GATA3: variants seen among roughly 807,000 people sequenced by gnomAD.
GATA3 encodes trans-acting T-cell-specific transcription factor GATA-3.
GATA3 carries 6 observed loss-of-function variants against 36.0 expected under a neutral mutation model. The ratio of observed to expected loss-of-function variants is 0.17; its 90% CI spans 0.09 to 0.33. The LOEUF (loss-of-function observed/expected upper bound fraction) is 0.33. GATA3 is among the 10% of genes least tolerant of loss of function. The pLI is 1.00. For missense variants in GATA3, 514 were observed against 610.1 expected (o/e 0.84, Z 1.66); for synonymous variants, 326 against 273.0 (o/e 1.19, Z -1.92).
In GATA3 at chr10:8,055,254, G is replaced by A. The variant is rs1832606395; in HGVS notation, c.-369-33G>A. ...GTTGTGCCACTCCAGCAACTCAGGG[G>A]CTCATCCAGGTCTCCCATTCTCTCC... On this transcript the variant is annotated intron_variant, in intron 1 of 5. Coordinates refer to ENST00000379328, the MANE Select transcript of GATA3 (RefSeq NM_001002295.2). This position sits in a 1 kb window ranked among gnomAD's most constrained non-coding sequence, Gnocchi z 5.4. 2.9e-6 allele frequency: 1 copy of A among 346,588 alleles called. No individual in the cohort carries two copies. The highest frequency in any genetic ancestry group is 2.2e-5 in the African/African-American group (1 of 46,026). 21.5% of individuals were successfully genotyped at this position (346,588 alleles called of 1,614,324 possible). A position where few individuals can be genotyped will look rare whatever the true frequency, so the allele number is the denominator to read the frequency against.
At chr10:8,058,108 T>C (rs541942965) in intron 2 of GATA3, among the ~76,000 whole-genome samples, 197 bp from the exon 3 acceptor site, 7 of 152,270 alleles carry the variant, frequency 4.6e-5, no homozygotes, top group African/African-American at 7.2e-5. Flanking sequence ...GGGTGAAGGA[T>C]TCTGTCCCCA....
chr10:8,063,957 C>T, intron 3 of GATA3, 36 bp from the exon 4 acceptor site: 2 of 1,614,182 alleles, frequency 1.2e-6, no homozygotes, highest in Non-Finnish European at 1.7e-6. Flanking sequence ...GCGTGTTTTC[C>T]TTCCCTAAGT....
intron 3 of GATA3, among the ~76,000 whole-genome samples, chr10:8,063,586 C>T (rs1564401294): frequency 6.6e-6 from 1 of 152,136 alleles, no homozygotes; most frequent in African/African-American, 2.4e-5. Flanking sequence ...CTTTGTCTTC[C>T]TTTTTTTCCT....
chr10:8,047,736 G>A (rs981699298), intron 1 of GATA3, among the ~76,000 whole-genome samples: 2 of 152,178 alleles, frequency 1.3e-5, no homozygotes, highest in African/African-American at 4.8e-5. Context: ...TCTGGTTGCT[G>A]TTTTGTTTTA....
chr10:8,069,450 C>G (rs1218588450), intron 4 of GATA3, 23 bp from the exon 5 acceptor site: 2 of 1,611,862 alleles, frequency 1.2e-6, no homozygotes, highest in Non-Finnish European at 1.7e-6. Context: ...TGATTTCACC[C>G]TCTCCTCTCT....
At chr10:8,069,182 G>A (rs568171100) in intron 4 of GATA3, among the ~76,000 whole-genome samples, 1 of 152,254 alleles carries the variant, frequency 6.6e-6, no homozygotes, top group South Asian at 2.1e-4. Flanking sequence ...GAGGGTAGGA[G>A]GCTAAGACTG....
intron 3 of GATA3, among the ~76,000 whole-genome samples, chr10:8,063,347 C>T (rs1588383045): frequency 6.6e-6 from 1 of 152,204 alleles, no homozygotes. Flanking sequence ...GCTATGGAAA[C>T]CCCTGCTGGG....
At position 8,055,759 on chromosome 10, in the gene GATA3, A is replaced by T. The variant is rs1310091920; in HGVS notation, c.104A>T (p.Tyr35Phe). Residue 35 changes from tyrosine to phenylalanine, a missense_variant, in exon 2 of 6, where the codon TAC (tyrosine) becomes TTC (phenylalanine). Tyr to Phe is a conservative substitution (Grantham distance 22). Around this residue, in one of 3 missense-constraint regions of GATA3, gnomAD observed 381 missense variants for 354.3 expected, o/e 1.08. Transcript: ENST00000379328. This position sits in a 1 kb window ranked among gnomAD's most constrained non-coding sequence, Gnocchi z 5.4. ...CACCACCCGGGCCTCAGCCACTCCT[A>T]CATGGACGCGGCGCAGTACCCGCTG... ...DTHHPGLSHS[Y>F]MDAAQYPLPE... 6.3e-7 allele frequency: 1 copy of T among 1,586,966 alleles called. No homozygotes were observed. The highest frequency in any genetic ancestry group is 2.3e-5 in the East Asian group (1 of 43,416).
chr10:8,071,006 T>C (rs549170344), intron 5 of GATA3, among the ~76,000 whole-genome samples: 2 of 152,322 alleles, frequency 1.3e-5, no homozygotes, highest in African/African-American at 4.8e-5. Context: ...TATAAGCTAT[T>C]AGGTTATTAG....
At chr10:8,067,476 G>A (rs1832860702) in intron 4 of GATA3, among the ~76,000 whole-genome samples, 1 of 152,128 alleles carries the variant, frequency 6.6e-6, no homozygotes, top group African/African-American at 2.4e-5. Flanking sequence ...TGGCAGCTTC[G>A]GGTGTTGGCT....
chr10:8,064,337 A>G (rs1416385246), intron 4 of GATA3, among the ~76,000 whole-genome samples, 199 bp downstream of exon 4: 2 of 107,796 alleles, frequency 1.9e-5, no homozygotes, highest in African/African-American at 7.9e-5. Context: ...TTCAAATTTG[A>G]TACACAGAAC....
At position 8,055,909 on chromosome 10, in the gene GATA3, G is replaced by A. The variant is rs1282426887; in HGVS notation, c.241+13G>A. ...CCGACCCACCACGGTGAGTGCGCCC[G>A]GGGTGCCGGGGCTCCCGCCGGCCGC... On this transcript the variant is annotated intron_variant, in intron 2 of 5. Coordinates refer to ENST00000379328, the MANE Select transcript of GATA3 (RefSeq NM_001002295.2). This position sits in a 1 kb window ranked among gnomAD's most constrained non-coding sequence, Gnocchi z 5.4. The A allele has an allele frequency of 1.3e-6, 2 of 1,552,262 alleles. No homozygotes were observed. Among genetic ancestry groups the A allele is most frequent in the South Asian group, 1.2e-5 (1 of 84,190 alleles).
At chr10:8,064,308 CTTCTTTTTTTTT>C (rs1832799879) in intron 4 of GATA3, among the ~76,000 whole-genome samples, 170 bp downstream of exon 4, 1 of 114,134 alleles carries the variant, frequency 8.8e-6, no homozygotes, top group Non-Finnish European at 1.7e-5. Context: ...TTTTCTTCTT[CTTCTTTTTTTTT>C]TTTTTTTTCA....
At chr10:8,069,361 TCAA>T in intron 4 of GATA3, 109 bp from the exon 5 acceptor site, 1 of 1,139,898 alleles carries the variant, frequency 8.8e-7, no homozygotes, top group South Asian at 1.3e-5. Context: ...AGTTTTGATT[TCAA>T]TGATAATTTC....
rs373234853 is a variant in GATA3, at chr10:8,058,497, A to G, written c.434A>G (p.His145Arg). The part of the protein sequence containing the change: ...PASSSSLSGG[H>R]ASPHLFTFPP... ...TCGTCCTCCTCCTTGTCGGGGGGCCACGCCAGCCCGCACCTCTTCACCTTC... is the reference window on the plus strand; with the variant it reads ...TCGTCCTCCTCCTTGTCGGGGGGCCGCGCCAGCCCGCACCTCTTCACCTTC... The change falls in exon 3 of 6, where the codon CAC becomes CGC. Residue 145 changes from histidine (H) to arginine (R), a missense_variant. Physicochemically the swap from His to Arg is conservative, Grantham distance 29. Coordinates refer to ENST00000379328, the MANE Select transcript of GATA3 (RefSeq NM_001002295.2). 2 of 1,611,850 alleles carry G rather than the reference A, an allele frequency of 1.2e-6. No individual in the cohort carries two copies. Among genetic ancestry groups the G allele is most frequent in the African/African-American group, 2.7e-5 (2 of 74,782 alleles).
chr10:8,065,095 T>A (rs1832813599), intron 4 of GATA3, among the ~76,000 whole-genome samples: 1 of 152,094 alleles, frequency 6.6e-6, no homozygotes, highest in South Asian at 2.1e-4. Flanking sequence ...GAGGGGAATT[T>A]CCCCACGCAG....
chr10:8,061,606 A>G (rs1832750070), intron 3 of GATA3, among the ~76,000 whole-genome samples: 1 of 152,256 alleles, frequency 6.6e-6, no homozygotes, highest in Admixed American at 6.5e-5. Context: ...AGAGGCAGCA[A>G]GGAAAAAAGA....
intron 3 of GATA3, among the ~76,000 whole-genome samples, chr10:8,061,089 C>CTCTCTCTCTCTCTTT (rs754738004): frequency 6.9e-6 from 1 of 145,734 alleles, no homozygotes; most frequent in Admixed American, 6.9e-5. Context: ...CTCTCTCTCT[C>CTCTCTCTCTCTCTTT]TTTTTTACCC....
chr10:8,048,172 A>G (rs1832415136), intron 1 of GATA3, among the ~76,000 whole-genome samples: 1 of 152,202 alleles, frequency 6.6e-6, no homozygotes, highest in Non-Finnish European at 1.5e-5. Context: ...AAACTGAAGC[A>G]GACGGAGGAG....
Sources: gnomAD v4.1 joint callset for allele counts (sites outside exome capture counted in the v4.1 genomes callset) on GRCh38, gnomAD v4.1.1 for gene constraint, gnomAD v4.1.1 regional missense constraint, Gnocchi (gnomAD v3.1) non-coding constraint, MANE v1.5 for transcripts, NCBI Gene and HGNC (gene_info 2026-07-23, HGNC 2026-07-21) for gene names.